Variants in MYO3A observed in about 807,000 individuals in gnomAD.
MYO3A encodes myosin IIIA.
A neutral mutation model predicts 192.7 loss-of-function variants in MYO3A; 180 were observed. The observed-to-expected ratio is 0.93, with a 90% confidence interval of 0.83 to 1.06. MYO3A has a LOEUF of 1.06. MYO3A is among the 50% of genes least tolerant of loss of function. The pLI, the probability that MYO3A is intolerant of heterozygous loss-of-function variation, is 0.00. For missense variants in MYO3A, 1,896 were observed against 1,905.0 expected, an observed-to-expected ratio of 1.00 and a Z score of 0.09; for synonymous variants, 628 against 645.3, an observed-to-expected ratio of 0.97 and a Z score of 0.41.
At chr10:26,143,725 C>T in intron 21 of MYO3A, 124 bp downstream of exon 21, 1 of 1,209,644 alleles carries the variant, frequency 8.3e-7, no homozygotes, top group Non-Finnish European at 1.2e-6. Flanking sequence ...GCATATTTGA[C>T]TTTAAAGAAG....
At chr10:26,139,667 G>A (rs1170010969) in intron 20 of MYO3A, among the ~76,000 whole-genome samples, 1 of 152,108 alleles carries the variant, frequency 6.6e-6, no homozygotes, top group East Asian at 1.9e-4. Context: ...CAAGGTTGGG[G>A]TGCGGTGGGG....
rs1589121307 is a variant in MYO3A, at chr10:26,201,200, G to C, written c.4546-65G>C. 4 of 814,070 alleles carry C rather than the reference G, an allele frequency of 4.9e-6. No individual in the cohort carries two copies. In the East Asian group the frequency reaches 1.3e-4, roughly 26 times the overall value. 50.4% of individuals were successfully genotyped at this position (814,070 alleles called of 1,614,324 possible). Reference sequence around the variant, plus strand: ...AATGTATTTACATATTAAGATTATAGTTATATATCCATTATATTAAGATCA... The same window carrying C: ...AATGTATTTACATATTAAGATTATACTTATATATCCATTATATTAAGATCA... On this transcript the variant is annotated intron_variant, in intron 32 of 34. Transcript: ENST00000642920.
chr10:26,144,502 T>G (rs2131851460), intron 21 of MYO3A, among the ~76,000 whole-genome samples: 1 of 152,002 alleles, frequency 6.6e-6, no homozygotes, highest in African/African-American at 2.4e-5. Context: ...AATCATTTCA[T>G]AGCAGTCAGT....
At chr10:26,010,676 C>G (rs958395771) in intron 6 of MYO3A, among the ~76,000 whole-genome samples, 2 of 152,016 alleles carry the variant, frequency 1.3e-5, no homozygotes, top group Non-Finnish European at 2.9e-5. Context: ...ATTGGCCAGG[C>G]TGGTCTCGAA....
chr10:26,092,240 G>T (rs1049592152), intron 15 of MYO3A, among the ~76,000 whole-genome samples: 1 of 152,198 alleles, frequency 6.6e-6, no homozygotes, highest in Non-Finnish European at 1.5e-5. Context: ...GGCCGAGGCG[G>T]GTGGATCATG....
intron 4 of MYO3A, among the ~76,000 whole-genome samples, chr10:25,956,790 T>C (rs1373086750): frequency 6.6e-6 from 1 of 152,168 alleles, no homozygotes; most frequent in Admixed American, 6.6e-5. Context: ...GTTTGTTATA[T>C]AGGTAAACTT....
intron 15 of MYO3A, among the ~76,000 whole-genome samples, chr10:26,093,562 A>G (rs1318878156): frequency 6.6e-6 from 1 of 152,000 alleles, no homozygotes; most frequent in Admixed American, 6.5e-5. Context: ...CCATGACTAG[A>G]TTCTCCTGAT....
intron 20 of MYO3A, among the ~76,000 whole-genome samples, chr10:26,143,036 A>C (rs752481736): frequency 2.6e-5 from 4 of 152,206 alleles, no homozygotes; most frequent in Non-Finnish European, 4.4e-5. Context: ...CTCTCAGTTT[A>C]AGAGCAAGGT....
chr10:25,980,479 T>G (rs7903859), intron 4 of MYO3A, among the ~76,000 whole-genome samples: 14,571 of 152,198 alleles, frequency 0.096, 1,238 homozygotes, highest in African/African-American at 0.22. Flanking sequence ...TTCTTCTAAA[T>G]TCCACTTTCT....
chr10:26,140,513 G>C (rs1213022319), intron 20 of MYO3A, among the ~76,000 whole-genome samples: 1 of 151,944 alleles, frequency 6.6e-6, no homozygotes, highest in Non-Finnish European at 1.5e-5. Flanking sequence ...GTGAAACCCC[G>C]TCTCTACTAA....
chr10:26,174,614 C>T lies in MYO3A; in HGVS notation c.4293+57C>T. On this transcript the variant is annotated intron_variant, in intron 30 of 34. Coordinates refer to ENST00000642920, the MANE Select transcript of MYO3A (RefSeq NM_017433.5). Reference sequence around the variant, plus strand: ...AAAGTCCCTGGGAACTATACAATAACTGAATTAAACACATAATTAATAACT... The same window carrying T: ...AAAGTCCCTGGGAACTATACAATAATTGAATTAAACACATAATTAATAACT... 24 of 1,370,234 alleles carry T rather than the reference C, an allele frequency of 1.8e-5. No homozygotes were observed. The South Asian group carries it at 2.8e-4, about 16-fold the overall frequency. The allele number at this position is 1,370,234 out of a possible 1,614,324, so 84.9% of individuals were successfully genotyped here.
intron 32 of MYO3A, among the ~76,000 whole-genome samples, chr10:26,199,635 A>C (rs1016315664): frequency 2.0e-5 from 3 of 152,160 alleles, no homozygotes; most frequent in African/African-American, 7.2e-5. Flanking sequence ...TGGACAATAC[A>C]TCCTCTTCTA....
rs778759720 is a variant in MYO3A, at chr10:26,174,037, T to C, written c.3773T>C (p.Leu1258Pro). The change falls in exon 30 of 35, where the codon CTA becomes CCA. Residue 1258 changes from leucine (L) to proline (P), a missense_variant. Coordinates refer to ENST00000642920, the MANE Select transcript of MYO3A (RefSeq NM_017433.5). ...TGTGAAGAGTCAAAAGCAGCATATC[T>C]AGAAAGGAAGGCCATATCAGAAAGG... ...RNCEESKAAY[L>P]ERKAISERPS... is the part of the protein sequence containing the mutation. 1 of 1,613,404 alleles carries C rather than the reference T, an allele frequency of 6.2e-7. No homozygotes were observed. The highest frequency in any genetic ancestry group is 1.7e-5 in the Admixed American group (1 of 59,814).
At chr10:25,976,858 T>G (rs937395326) in intron 4 of MYO3A, among the ~76,000 whole-genome samples, 3 of 152,178 alleles carry the variant, frequency 2.0e-5, no homozygotes, top group Non-Finnish European at 4.4e-5. Flanking sequence ...TACGACATAA[T>G]TCATTCACCT....
chr10:26,101,372 A>T (rs1435370590), intron 17 of MYO3A, among the ~76,000 whole-genome samples: 1 of 152,194 alleles, frequency 6.6e-6, no homozygotes, highest in African/African-American at 2.4e-5. Flanking sequence ...TGTGTCTTTT[A>T]ATTGGAGCAT....
intron 10 of MYO3A, among the ~76,000 whole-genome samples, chr10:26,027,170 G>A (rs1379343387): frequency 6.6e-6 from 1 of 151,728 alleles, no homozygotes; most frequent in Admixed American, 6.6e-5. Context: ...CATTTTCCCT[G>A]GTTAAATTAT....
At chr10:26,114,489 AC>A (rs1269369053) in intron 17 of MYO3A, among the ~76,000 whole-genome samples, 44 of 152,326 alleles carry the variant, frequency 2.9e-4, no homozygotes, top group African/African-American at 7.9e-4. Context: ...TGGAAAAAAA[AC>A]AACTTGGCTT....
intron 4 of MYO3A, among the ~76,000 whole-genome samples, chr10:25,960,065 C>G (rs1055892563): frequency 5.3e-5 from 8 of 152,090 alleles, no homozygotes; most frequent in Non-Finnish European, 1.0e-4. Context: ...ACTGCTAAAT[C>G]AGTTACTGCT....
chr10:25,949,063 C>T (rs906408656), intron 2 of MYO3A, among the ~76,000 whole-genome samples: 1 of 152,022 alleles, frequency 6.6e-6, no homozygotes, highest in Non-Finnish European at 1.5e-5. Flanking sequence ...TGAATCTTTT[C>T]CTGGTCAGTT....
Sources: gnomAD v4.1 joint callset for allele counts (sites outside exome capture counted in the v4.1 genomes callset) on GRCh38, gnomAD v4.1.1 for gene constraint, MANE v1.5 for transcripts, NCBI Gene and HGNC (gene_info 2026-07-23, HGNC 2026-07-21) for gene names.